The following TENT5C variants were observed in gnomAD, a reference collection of about 807,000 sequenced individuals.
TENT5C encodes terminal nucleotidyltransferase 5C.
TENT5C carries 5 observed loss-of-function variants against 22.2 expected under a neutral mutation model. The ratio of observed to expected loss-of-function variants is 0.22; its 90% CI spans 0.12 to 0.47. TENT5C has a LOEUF of 0.47. Ranked by LOEUF, TENT5C falls within the 20% of genes least tolerant of loss-of-function variation. The pLI is 0.99. For synonymous variants in TENT5C, 199 were observed against 195.4 expected (o/e 1.02, Z -0.15); for missense variants, 364 against 500.9 (o/e 0.73, Z 2.61).
At chr1:117,617,129 C>CT (rs1653799602) in intron 1 of TENT5C, among the ~76,000 whole-genome samples, 1 of 152,198 alleles carries the variant, frequency 6.6e-6, no homozygotes, top group South Asian at 2.1e-4. Context: ...GTTCCTCACA[C>CT]TTTCATCGTG....
intron 1 of TENT5C, among the ~76,000 whole-genome samples, chr1:117,621,187 A>G (rs752040225): frequency 6.6e-6 from 1 of 152,104 alleles, no homozygotes; most frequent in Non-Finnish European, 1.5e-5. Context: ...AGTACTCTGT[A>G]GCGAGCAATA....
At chr1:117,619,944 C>T (rs1653859462) in intron 1 of TENT5C, among the ~76,000 whole-genome samples, 2 of 152,166 alleles carry the variant, frequency 1.3e-5, no homozygotes, top group South Asian at 4.1e-4. Context: ...TAGTGCATAT[C>T]ATTCCTATTT....
rs1470615952 is a variant in TENT5C, at chr1:117,628,005, G to A, written c.*3961G>A. The A allele has an allele frequency of 4.0e-6, 1 of 247,888 alleles. No homozygotes were observed. Among genetic ancestry groups the A allele is most frequent in the African/African-American group, 2.2e-5 (1 of 45,276 alleles). The allele number at this position is 247,888 out of a possible 1,614,324, so 15.4% of individuals were successfully genotyped here. On this transcript the variant is annotated 3_prime_UTR_variant, in exon 2 of 2. Transcript: ENST00000369448. ...ATTCTTGTGTGTGTTTGCATAGGAA[G>A]GTGAGATGACCATCTACTAAAGAGG...
Position 117,614,144 on chromosome 1 carries a change from G to A in TENT5C, c.-28+7991G>A, listed in dbSNP as rs533206991. 2.7e-3 allele frequency among the ~76,000 whole-genome samples: 411 copies of A among 152,260 alleles called. 1 individual carries two copies. The highest frequency in any genetic ancestry group is 9.6e-3 in the African/African-American group (398 of 41,538). On this transcript the variant is annotated intron_variant, in intron 1 of 1. Coordinates refer to ENST00000369448, the MANE Select transcript of TENT5C (RefSeq NM_017709.4). The stretch of plus-strand genomic sequence containing the variant: ...AGAATGTGGCCCCCTCCCTATGTGG[G>A]GGGTCTGGCCCTAGGGAGGAGCTGG...
At position 117,625,549 on chromosome 1, in the gene TENT5C, G is replaced by A. The variant is rs1401370690; in HGVS notation, c.*1505G>A. 4.0e-6 allele frequency: 1 copy of A among 247,932 alleles called. No individual in the cohort carries two copies. 15.4% of individuals were successfully genotyped at this position (247,932 alleles called of 1,614,324 possible). ...TTAGAAAGCATCACTTCAGGGCAGA[G>A]ACACTCAATATTGCCAGCCAGCTTG... is the stretch of plus-strand genomic sequence containing the variant. On this transcript the variant is annotated 3_prime_UTR_variant, in exon 2 of 2. Transcript: ENST00000369448.
At chr1:117,622,368 TTGTATATTCTG>T (rs1653912434) in intron 1 of TENT5C, among the ~76,000 whole-genome samples, 2 of 151,086 alleles carry the variant, frequency 1.3e-5, no homozygotes, top group African/African-American at 4.9e-5. Flanking sequence ...TCTGTGTGTG[TTGTATATTCTG>T]TGTATGAATG....
intron 1 of TENT5C, 140 bp from the exon 2 acceptor site, chr1:117,622,702 C>A: frequency 1.6e-6 from 1 of 622,564 alleles, no homozygotes; most frequent in Non-Finnish European, 2.9e-6. Context: ...TCATTGAGTC[C>A]TCATGGCAAC....
At chr1:117,622,598 C>A (rs989577586) in intron 1 of TENT5C, among the ~76,000 whole-genome samples, 5 of 150,370 alleles carry the variant, frequency 3.3e-5, no homozygotes, top group African/African-American at 9.9e-5. Context: ...CCAGAAAAAA[C>A]AAAACAAAAC....
intron 1 of TENT5C, among the ~76,000 whole-genome samples, chr1:117,610,933 A>G (rs1447440002): frequency 1.3e-5 from 2 of 152,204 alleles, no homozygotes; most frequent in African/African-American, 4.8e-5. Flanking sequence ...TTAGCCTCCT[A>G]TAAAAACATT....
chr1:117,622,760 G>C (rs41314007), intron 1 of TENT5C, 82 bp from the exon 2 acceptor site: 10,804 of 897,492 alleles, frequency 0.012, 101 homozygotes, highest in Non-Finnish European at 0.015. Context: ...AAGATGTTCA[G>C]AGATTAAACA....
At chr1:117,616,251 A>G (rs962241026) in intron 1 of TENT5C, among the ~76,000 whole-genome samples, 1 of 152,242 alleles carries the variant, frequency 6.6e-6, no homozygotes, top group African/African-American at 2.4e-5. Context: ...GAAGTGGCTC[A>G]TACTAAGTAC....
In TENT5C at chr1:117,626,574, A is replaced by G. The variant is rs564620245; in HGVS notation, c.*2530A>G. 9.3e-5 allele frequency: 23 copies of G among 248,134 alleles called. No individual in the cohort carries two copies. Among genetic ancestry groups the G allele is most frequent in the African/African-American group, 4.2e-4 (19 of 45,468 alleles). The allele number at this position is 248,134 out of a possible 1,614,324, so 15.4% of individuals were successfully genotyped here. The stretch of plus-strand genomic sequence containing the variant: ...TCTATGAGCCTTTTGCCAGCCTCAG[A>G]ATAGGCGAGGTAACCTTGAATTTCA... On this transcript the variant is annotated 3_prime_UTR_variant, in exon 2 of 2. Coordinates refer to ENST00000369448, the MANE Select transcript of TENT5C (RefSeq NM_017709.4).
At chr1:117,615,773 G>A (rs930487557) in intron 1 of TENT5C, among the ~76,000 whole-genome samples, 8 of 152,202 alleles carry the variant, frequency 5.3e-5, no homozygotes, top group Admixed American at 5.2e-4. Context: ...TGTGGCAGGG[G>A]GCACCTCTAA....
intron 1 of TENT5C, among the ~76,000 whole-genome samples, chr1:117,619,716 G>C (rs908732935): frequency 2.9e-5 from 2 of 69,916 alleles, no homozygotes; most frequent in Non-Finnish European, 5.1e-5. Flanking sequence ...GCATGAAATA[G>C]GGAGTCCTTC....
intron 1 of TENT5C, among the ~76,000 whole-genome samples, chr1:117,608,247 G>A (rs560558050): frequency 1.3e-5 from 2 of 152,272 alleles, no homozygotes; most frequent in East Asian, 3.9e-4. Flanking sequence ...ATGTAATTCT[G>A]AAGGAAAGGA....
intron 1 of TENT5C, 45 bp from the exon 2 acceptor site, chr1:117,622,797 A>G (rs1329239723): frequency 2.2e-6 from 3 of 1,375,868 alleles, no homozygotes; most frequent in Non-Finnish European, 3.1e-6. Context: ...CTGCTTTGCC[A>G]TGTAGAAGTG....
At chr1:117,606,827 T>C (rs1441684057) in intron 1 of TENT5C, among the ~76,000 whole-genome samples, 3 of 152,202 alleles carry the variant, frequency 2.0e-5, no homozygotes, top group Non-Finnish European at 4.4e-5. Context: ...GTGGACACCA[T>C]GAGCAGCAAA....
At position 117,627,028 on chromosome 1, in the gene TENT5C, A is replaced by G. The variant is rs147510776; in HGVS notation, c.*2984A>G. ...CATTATTCCTCATTCAATAATTTCA[A>G]TGCTGAAACTGAACTCTATTACTAA... On this transcript the variant is annotated 3_prime_UTR_variant, in exon 2 of 2. Coordinates refer to ENST00000369448, the MANE Select transcript of TENT5C (RefSeq NM_017709.4). 21 of 248,152 alleles carry G rather than the reference A, an allele frequency of 8.5e-5. No individual in the cohort carries two copies. Among genetic ancestry groups the G allele is most frequent in the African/African-American group, 2.9e-4 (13 of 45,462 alleles). 15.4% of individuals were successfully genotyped at this position (248,152 alleles called of 1,614,324 possible). A position where few individuals can be genotyped will look rare whatever the true frequency, so the allele number is the denominator to read the frequency against.
intron 1 of TENT5C, among the ~76,000 whole-genome samples, chr1:117,609,931 T>G (rs1160348370): frequency 2.6e-5 from 4 of 151,994 alleles, no homozygotes; most frequent in African/African-American, 9.7e-5. Context: ...GGGTATAGGT[T>G]TGGAGCTGAG....
Sources: allele counts gnomAD v4.1 joint callset (sites outside exome capture counted in the v4.1 genomes callset), GRCh38; gene constraint gnomAD v4.1.1; transcripts MANE v1.5; gene names NCBI Gene and HGNC (gene_info 2026-07-23, HGNC 2026-07-21).